The following FOXJ3 variants were observed in gnomAD, a reference collection of about 807,000 sequenced individuals.
FOXJ3 encodes forkhead box protein J3.
In FOXJ3, 22 loss-of-function variants were observed where a neutral mutation model predicts 76.1. The observed-to-expected ratio is 0.29, with a 90% CI of 0.21 to 0.41. FOXJ3 has a LOEUF of 0.41. FOXJ3 is among the 10% of genes least tolerant of loss of function. FOXJ3 has a pLI of 1.00. For synonymous variants in FOXJ3, 269 were observed against 261.2 expected (o/e 1.03, Z -0.29); for missense variants, 613 against 762.1 (o/e 0.80, Z 2.30).
At chr1:42,279,801 C>CA (rs1157554364) in intron 2 of FOXJ3, among the ~76,000 whole-genome samples, 2 of 151,398 alleles carry the variant, frequency 1.3e-5, no homozygotes, top group Admixed American at 1.3e-4. Context: ...GAAAAAAGGA[C>CA]AACAAAATAA....
chr1:42,300,753 G>C (rs534298391), intron 2 of FOXJ3, among the ~76,000 whole-genome samples: 27 of 152,252 alleles, frequency 1.8e-4, no homozygotes, highest in Middle Eastern at 3.4e-3. Flanking sequence ...CTCCAGGTCT[G>C]GCCAGCAGAC....
intron 11 of FOXJ3, among the ~76,000 whole-genome samples, chr1:42,186,642 T>C (rs754739549): frequency 9.2e-5 from 14 of 152,054 alleles, no homozygotes; most frequent in Non-Finnish European, 1.8e-4. Flanking sequence ...TAACTCAGGA[T>C]CTCAGTCTAG....
intron 3 of FOXJ3, 124 bp downstream of exon 3, chr1:42,278,224 C>T (rs1475237538): frequency 1.3e-6 from 1 of 763,372 alleles, no homozygotes; most frequent in Non-Finnish European, 2.1e-6. Flanking sequence ...TTTTGACATC[C>T]TAAAAATCAC....
chr1:42,308,602 G>C (rs1372738277), intron 2 of FOXJ3, among the ~76,000 whole-genome samples: 1 of 152,086 alleles, frequency 6.6e-6, no homozygotes, highest in Non-Finnish European at 1.5e-5. Flanking sequence ...GGGCTTCTCG[G>C]TTTATAAATT....
intron 4 of FOXJ3, among the ~76,000 whole-genome samples, chr1:42,248,389 C>A (rs1290398991): frequency 6.6e-6 from 1 of 151,940 alleles, no homozygotes; most frequent in East Asian, 1.9e-4. Context: ...AAAAAATTAG[C>A]CGGGCGTGGT....
chr1:42,306,865 ATCT>A (rs1222355193), intron 2 of FOXJ3, among the ~76,000 whole-genome samples: 1 of 152,224 alleles, frequency 6.6e-6, no homozygotes, highest in African/African-American at 2.4e-5. Flanking sequence ...CTTAGAAAAT[ATCT>A]TCTTGTACCC....
intron 4 of FOXJ3, among the ~76,000 whole-genome samples, chr1:42,230,375 T>C (rs888146313): frequency 4.6e-5 from 7 of 152,180 alleles, no homozygotes; most frequent in Non-Finnish European, 7.3e-5. Flanking sequence ...GTATCCCTTA[T>C]CCAAAATGCT....
intron 9 of FOXJ3, among the ~76,000 whole-genome samples, chr1:42,191,050 G>T (rs6692681): frequency 6.6e-6 from 1 of 152,104 alleles, no homozygotes; most frequent in South Asian, 2.1e-4. Flanking sequence ...GTAAGATAAT[G>T]TATCTAAATT....
At chr1:42,279,421 C>A (rs1490646767) in intron 2 of FOXJ3, among the ~76,000 whole-genome samples, 1 of 152,074 alleles carries the variant, frequency 6.6e-6, no homozygotes, top group Non-Finnish European at 1.5e-5. Context: ...AGTACAGAAT[C>A]TAAGGCATTA....
chr1:42,335,776 C>T (rs1347292084), upstream of FOXJ3: 1 of 148,550 alleles, frequency 6.7e-6, no homozygotes, highest in Non-Finnish European at 1.5e-5. Flanking sequence ...GTGCTAGACT[C>T]ATGTCTGCGG....
At chr1:42,292,894 A>G (rs1653534259) in intron 2 of FOXJ3, among the ~76,000 whole-genome samples, 1 of 152,178 alleles carries the variant, frequency 6.6e-6, no homozygotes, top group African/African-American at 2.4e-5. Flanking sequence ...TGAGCTCAGG[A>G]TGTCAAGAAC....
At chr1:42,240,745 CTG>C in intron 4 of FOXJ3, among the ~76,000 whole-genome samples, 1 of 152,304 alleles carries the variant, frequency 6.6e-6, no homozygotes, top group Middle Eastern at 3.4e-3. Context: ...AGGGATAAAA[CTG>C]TGAAACTTTT....
intron 7 of FOXJ3, among the ~76,000 whole-genome samples, chr1:42,196,122 G>C (rs1646646052): frequency 6.6e-6 from 1 of 152,206 alleles, no homozygotes; most frequent in Non-Finnish European, 1.5e-5. Flanking sequence ...CTGCTTAGTT[G>C]CACTATGGAA....
At chr1:42,290,211 A>G (rs146477846) in intron 2 of FOXJ3, among the ~76,000 whole-genome samples, 2 of 152,214 alleles carry the variant, frequency 1.3e-5, no homozygotes, top group African/African-American at 4.8e-5. Flanking sequence ...CAGTCAATTC[A>G]TTGGAGGAAT....
chr1:42,325,747 G>GT (rs1655795669), intron 1 of FOXJ3, among the ~76,000 whole-genome samples: 1 of 152,194 alleles, frequency 6.6e-6, no homozygotes, highest in Non-Finnish European at 1.5e-5. Flanking sequence ...ATTACTGTAA[G>GT]TAAACTTAAG....
rs1646269287 is a variant in FOXJ3 at position 42,179,145 on chromosome 1, T to TA, written c.*564dup. 6.6e-6 allele frequency: 1 copy of TA among 152,576 alleles called. No homozygotes were observed. Among genetic ancestry groups the TA allele is most frequent in the African/African-American group, 2.4e-5 (1 of 41,436 alleles). The allele number at this position is 152,576 out of a possible 1,614,324, so 9.5% of individuals were successfully genotyped here. A position where few individuals can be genotyped will look rare whatever the true frequency, so the allele number is the denominator to read the frequency against. ...ATTCTGGTTTCCTTGACTTATTAGA[T>TA]AGAATTCATTACCCACATTTCTAAA... On this transcript the variant is annotated 3_prime_UTR_variant, in exon 13 of 13. Coordinates refer to ENST00000361346, the MANE Select transcript of FOXJ3 (RefSeq NM_014947.5).
chr1:42,284,896 A>AT (rs1652951061), intron 2 of FOXJ3, among the ~76,000 whole-genome samples: 1 of 152,220 alleles, frequency 6.6e-6, no homozygotes, highest in Admixed American at 6.5e-5. Flanking sequence ...AATCACAAAT[A>AT]TAACCAATGA....
intron 4 of FOXJ3, among the ~76,000 whole-genome samples, chr1:42,256,297 T>C (rs1650579685): frequency 1.3e-5 from 2 of 152,210 alleles, no homozygotes; most frequent in African/African-American, 4.8e-5. Context: ...AGGCAAACCA[T>C]AGTCTAAAAA....
intron 1 of FOXJ3, among the ~76,000 whole-genome samples, chr1:42,322,454 TAAAA>T (rs775788189): frequency 3.3e-5 from 5 of 151,736 alleles, no homozygotes; most frequent in African/African-American, 1.2e-4. Context: ...TTGAAATACT[TAAAA>T]AAAAGGTATT....
Sources: gnomAD v4.1 joint callset for allele counts (sites outside exome capture counted in the v4.1 genomes callset) on GRCh38, gnomAD v4.1.1 for gene constraint, MANE v1.5 for transcripts, NCBI Gene and HGNC (gene_info 2026-07-23, HGNC 2026-07-21) for gene names.